Variants in ASB5 observed in about 807,000 individuals in gnomAD.
The protein encoded by ASB5 is ankyrin repeat and SOCS box protein 5.
In ASB5, 45 loss-of-function variants were observed where a neutral mutation model predicts 42.1. The observed-to-expected ratio is 1.07, with a 90% CI of 0.84 to 1.37. The LOEUF (loss-of-function observed/expected upper bound fraction) is 1.37, where lower values mean the gene tolerates loss of function less well. Ranked by LOEUF, ASB5 falls within the 40% of genes most tolerant of loss-of-function variation. The pLI is 0.00. For missense variants in ASB5, 402 were observed against 399.8 expected (o/e 1.01, Z -0.05); for synonymous variants, 147 against 150.6 (o/e 0.98, Z 0.18).
intron 1 of ASB5, among the ~76,000 whole-genome samples, chr4:176,257,797 G>C (rs1041115253): frequency 7.4e-4 from 113 of 152,338 alleles, no homozygotes; most frequent in African/African-American, 2.4e-3. Context: ...TGGAGTGGAA[G>C]AGGAATCTGG....
At chr4:176,256,030 G>A (rs920894217) in intron 1 of ASB5, among the ~76,000 whole-genome samples, 20 of 152,154 alleles carry the variant, frequency 1.3e-4, no homozygotes, top group African/African-American at 4.8e-4. Context: ...ACTGAGCTAT[G>A]TCCTGAAACT....
intron 1 of ASB5, among the ~76,000 whole-genome samples, chr4:176,268,299 T>C (rs1354073524): frequency 6.6e-6 from 1 of 152,206 alleles, no homozygotes; most frequent in African/African-American, 2.4e-5. Context: ...ATAAAATGTA[T>C]TAATTATGTT....
intron 3 of ASB5, 53 bp downstream of exon 3, chr4:176,222,260 G>T: frequency 6.8e-7 from 1 of 1,468,450 alleles, no homozygotes; most frequent in South Asian, 1.2e-5. Context: ...GAACTCTGTT[G>T]GATTCCCTCC....
chr4:176,254,339 T>TG (rs1175603956), intron 1 of ASB5, among the ~76,000 whole-genome samples: 1 of 152,200 alleles, frequency 6.6e-6, no homozygotes. Context: ...TAAATGATTC[T>TG]GGAATAGCTG....
chr4:176,217,926 C>A (rs1260973277), intron 5 of ASB5, among the ~76,000 whole-genome samples: 1 of 151,728 alleles, frequency 6.6e-6, no homozygotes, highest in Non-Finnish European at 1.5e-5. Flanking sequence ...CCCTTTATGG[C>A]CCTTCTGCTC....
chr4:176,260,793 C>A (rs1754253587), intron 1 of ASB5, among the ~76,000 whole-genome samples: 1 of 152,162 alleles, frequency 6.6e-6, no homozygotes, highest in African/African-American at 2.4e-5. Flanking sequence ...TCTCCTTCCT[C>A]AGCCTCCCGA....
intron 1 of ASB5, among the ~76,000 whole-genome samples, chr4:176,245,102 T>A (rs927104128): frequency 1.1e-4 from 16 of 152,176 alleles, no homozygotes; most frequent in African/African-American, 3.9e-4. Flanking sequence ...ATGAGATACG[T>A]TATGAAGCTA....
At chr4:176,275,085 T>C (rs1009168536) in intron 2 of ASB5, among the ~76,000 whole-genome samples, 1 of 152,026 alleles carries the variant, frequency 6.6e-6, no homozygotes, top group South Asian at 2.1e-4. Context: ...TGGCTAATTT[T>C]GTATTTTTTA....
upstream of ASB5, among the ~76,000 whole-genome samples, chr4:176,273,985 G>A (rs1170314544): frequency 1.3e-5 from 2 of 151,958 alleles, no homozygotes; most frequent in Non-Finnish European, 2.9e-5. Flanking sequence ...CTTATCTCCC[G>A]GCTCTCGAGA....
At chr4:176,277,012 T>G (rs1383571719) in intron 1 of ASB5, among the ~76,000 whole-genome samples, 1 of 152,166 alleles carries the variant, frequency 6.6e-6, no homozygotes, top group Non-Finnish European at 1.5e-5. Flanking sequence ...CCGTGTGAAC[T>G]CAGGCAAGTT....
chr4:176,231,944 C>T lies in ASB5; in HGVS notation c.197-6603G>A, dbSNP rs1011406963. On this transcript the variant is annotated intron_variant, in intron 1 of 6. Transcript: ENST00000296525. ...GGATGTGGACTCAATAGAGAGCTAG[C>T]TTAGCAATGGTGCAGAGTTTAGCCA... 3.7e-4 allele frequency among the ~76,000 whole-genome samples: 56 copies of T among 152,082 alleles called. 1 individual carries two copies. The highest frequency in any genetic ancestry group is 8.8e-5 in the Non-Finnish European group (6 of 68,000).
At chr4:176,272,584 C>T (rs941192712), upstream of ASB5, among the ~76,000 whole-genome samples, 5 of 152,014 alleles carry the variant, frequency 3.3e-5, no homozygotes, top group Admixed American at 6.6e-5. Flanking sequence ...ACTGTACAGC[C>T]GACCCCTAGG....
chr4:176,244,217 A>T (rs909977251), intron 1 of ASB5, among the ~76,000 whole-genome samples: 1 of 152,164 alleles, frequency 6.6e-6, no homozygotes, highest in African/African-American at 2.4e-5. Flanking sequence ...CTAAAATTTT[A>T]TTCAGACTCA....
chr4:176,221,741 GCTCT>G lies in ASB5; in HGVS notation c.385-145_385-142del, dbSNP rs1753218798. 3.9e-6 allele frequency: 3 copies of G among 778,052 alleles called. No individual in the cohort carries two copies. The African/African-American group carries it at 5.3e-5, about 14-fold the overall frequency. The allele number at this position is 778,052 out of a possible 1,614,324, so 48.2% of individuals were successfully genotyped here. On this transcript the variant is annotated intron_variant, in intron 3 of 6. Transcript: ENST00000296525. ...CATTAAATATGACAAAGTATACTTT[GCTCT>G]TATGCATTAACAAGAAAAGCTGTAA... is the stretch of plus-strand genomic sequence containing the variant.
intron 1 of ASB5, among the ~76,000 whole-genome samples, chr4:176,256,207 G>T (rs1368032953): frequency 6.6e-6 from 1 of 152,126 alleles, no homozygotes; most frequent in Non-Finnish European, 1.5e-5. Context: ...ATTCACACCT[G>T]CCTACATCAC....
At chr4:176,269,442 A>T (rs1332232482), upstream of ASB5, among the ~76,000 whole-genome samples, 2 of 152,182 alleles carry the variant, frequency 1.3e-5, no homozygotes, top group African/African-American at 4.8e-5. Flanking sequence ...ATATTTAGTT[A>T]TCAAGAACAA....
intron 1 of ASB5, among the ~76,000 whole-genome samples, chr4:176,245,710 T>A (rs1372318948): frequency 6.6e-6 from 1 of 152,176 alleles, no homozygotes; most frequent in African/African-American, 2.4e-5. Context: ...TGGAATACTA[T>A]GCGGCCATAA....
At chr4:176,268,421 T>C (rs763386863) in intron 1 of ASB5, among the ~76,000 whole-genome samples, 2 of 152,202 alleles carry the variant, frequency 1.3e-5, no homozygotes, top group Non-Finnish European at 2.9e-5. Context: ...TAGAGTCAAA[T>C]GGTTATCTTA....
chr4:176,249,628 G>A (rs766336393), intron 1 of ASB5: 3 of 152,134 alleles, frequency 2.0e-5, no homozygotes, highest in South Asian at 2.1e-4. Flanking sequence ...CAGGGCATCC[G>A]AGAAGACCTA....
Sources: allele counts gnomAD v4.1 joint callset (sites outside exome capture counted in the v4.1 genomes callset), GRCh38; gene constraint gnomAD v4.1.1; transcripts MANE v1.5; gene names NCBI Gene and HGNC (gene_info 2026-07-23, HGNC 2026-07-21).